PIAS1: variants seen among roughly 807,000 people sequenced by gnomAD.
PIAS1 encodes the protein protein inhibitor of activated STAT 1.
A neutral mutation model predicts 71.3 loss-of-function variants in PIAS1; 6 were observed. The ratio of observed to expected loss-of-function variants is 0.08; its 90% CI spans 0.05 to 0.17. The LOEUF is 0.17. Ranked by LOEUF, PIAS1 falls within the 10% of genes least tolerant of loss-of-function variation. The pLI is 1.00. For synonymous variants in PIAS1, 303 were observed against 292.9 expected (o/e 1.03, Z -0.35); for missense variants, 555 against 793.6 (o/e 0.70, Z 3.61).
At position 68,069,695 on chromosome 15, in the gene PIAS1, T is replaced by C. The variant is rs144736776; in HGVS notation, c.24+15345T>C. Among the ~76,000 whole-genome samples, 1,276 of 151,848 alleles carry C rather than the reference T, an allele frequency of 8.4e-3. 92 individuals are homozygous for C. The East Asian group carries it at 0.18, about 21-fold the overall frequency. Reference sequence around the variant, plus strand: ...CGCGGGAGCCTGTAGTCCCAGCTACTTGGGAGGCTGAGGCAGGAGAATGGT... The same window carrying C: ...CGCGGGAGCCTGTAGTCCCAGCTACCTGGGAGGCTGAGGCAGGAGAATGGT... On this transcript the variant is annotated intron_variant, in intron 1 of 13. Coordinates refer to ENST00000249636, the MANE Select transcript of PIAS1 (RefSeq NM_016166.3).
At chr15:68,095,012 G>C (rs1284801398) in intron 2 of PIAS1, among the ~76,000 whole-genome samples, 4 of 152,170 alleles carry the variant, frequency 2.6e-5, no homozygotes, top group Non-Finnish European at 2.9e-5. Context: ...CTGTGTACTT[G>C]AGTGTGATCT....
At chr15:68,099,922 A>G (rs1021152670) in intron 2 of PIAS1, among the ~76,000 whole-genome samples, 2 of 152,072 alleles carry the variant, frequency 1.3e-5, no homozygotes, top group Non-Finnish European at 2.9e-5. Flanking sequence ...CCATCTGTCG[A>G]CATACTTATA....
intron 2 of PIAS1, among the ~76,000 whole-genome samples, chr15:68,091,099 G>A (rs1419204450): frequency 6.6e-6 from 1 of 151,992 alleles, no homozygotes; most frequent in Non-Finnish European, 1.5e-5. Flanking sequence ...GTGTTAAGGG[G>A]TACTTTGTTT....
chr15:68,172,743 C>G (rs996742673), intron 8 of PIAS1, among the ~76,000 whole-genome samples: 1 of 152,216 alleles, frequency 6.6e-6, no homozygotes, highest in Non-Finnish European at 1.5e-5. Flanking sequence ...TGTGGTACCT[C>G]CCTGTGCAGG....
In PIAS1 at chr15:68,072,399, CAAAAAAAAAAAAA is replaced by C. The variant is rs1166484451; in HGVS notation, c.25-13890_25-13878del. Among the ~76,000 whole-genome samples, 247 of 25,024 alleles carry C rather than the reference CAAAAAAAAAAAAA, an allele frequency of 9.9e-3. 3 individuals carry two copies. In the East Asian group the frequency reaches 0.11, roughly 11 times the overall value. 16.4% of individuals were successfully genotyped at this position (25,024 alleles called of 152,430 possible). Reference sequence around the variant, plus strand: ...TGGGTGACAGAGCGAGACTCCATCTCAAAAAAAAAAAAAAAAAAAAAAAAAAAAAGAGTTATGG... The same window carrying C: ...TGGGTGACAGAGCGAGACTCCATCTCAAAAAAAAAAAAAAAAGAGTTATGG... On this transcript the variant is annotated intron_variant, in intron 1 of 13. Coordinates refer to ENST00000249636, the MANE Select transcript of PIAS1 (RefSeq NM_016166.3).
chr15:68,104,170 C>G (rs961519448), intron 2 of PIAS1, among the ~76,000 whole-genome samples: 2 of 152,116 alleles, frequency 1.3e-5, no homozygotes, highest in African/African-American at 4.8e-5. Flanking sequence ...GTAGATTTCT[C>G]TCTTACAAAT....
intron 6 of PIAS1, among the ~76,000 whole-genome samples, chr15:68,152,882 T>C (rs548111314): frequency 6.6e-6 from 1 of 151,724 alleles, no homozygotes; most frequent in Non-Finnish European, 1.5e-5. Context: ...AACTGTTTTT[T>C]TTTGGTTTTG....
intron 2 of PIAS1, among the ~76,000 whole-genome samples, chr15:68,097,513 A>G (rs1044323252): frequency 2.6e-5 from 4 of 152,032 alleles, no homozygotes; most frequent in South Asian, 2.1e-4. Flanking sequence ...GTTCACTGCA[A>G]CCTCTGCCTC....
chr15:68,075,824 C>T (rs2092157493), intron 1 of PIAS1, among the ~76,000 whole-genome samples: 1 of 148,232 alleles, frequency 6.7e-6, no homozygotes, highest in Non-Finnish European at 1.5e-5. Flanking sequence ...CTCTGCTGCG[C>T]AGGCTGGAGT....
At chr15:68,069,757 T>C (rs1332503658) in intron 1 of PIAS1, among the ~76,000 whole-genome samples, 1 of 149,864 alleles carries the variant, frequency 6.7e-6, no homozygotes, top group African/African-American at 2.5e-5. Context: ...TGAGCCGACA[T>C]TGTGCCACTG....
chr15:68,192,975 TCTAG>T lies in PIAS1; in HGVS notation c.*5143_*5146del, dbSNP rs2093127158. The stretch of plus-strand genomic sequence containing the variant: ...CTCTGGCAGCACCAACCTGGCACCT[TCTAG>T]CTGTGTAACTCACTCAAAGCCACTC... On this transcript the variant is annotated 3_prime_UTR_variant, in exon 14 of 14. Coordinates refer to ENST00000249636, the MANE Select transcript of PIAS1 (RefSeq NM_016166.3). 1 of 152,304 alleles carries T rather than the reference TCTAG, an allele frequency of 6.6e-6. No homozygotes were observed. Among genetic ancestry groups the T allele is most frequent in the African/African-American group, 2.4e-5 (1 of 41,440 alleles). 9.4% of individuals were successfully genotyped at this position (152,304 alleles called of 1,614,324 possible). A position where few individuals can be genotyped will look rare whatever the true frequency, so the allele number is the denominator to read the frequency against.
chr15:68,060,017 G>A (rs1317541404), intron 1 of PIAS1, among the ~76,000 whole-genome samples: 1 of 152,156 alleles, frequency 6.6e-6, no homozygotes, highest in African/African-American at 2.4e-5. Context: ...TGTAATATGT[G>A]AGATAAGATT....
chr15:68,065,023 G>C (rs142926652), intron 1 of PIAS1, among the ~76,000 whole-genome samples: 1 of 152,056 alleles, frequency 6.6e-6, no homozygotes, highest in African/African-American at 2.4e-5. Flanking sequence ...GGATTACGGC[G>C]TGAGACACCA....
chr15:68,188,040 T>C lies in PIAS1; in HGVS notation c.*205T>C. The C allele has an allele frequency of 2.6e-6, 1 of 382,246 alleles. No homozygotes were observed. Among genetic ancestry groups the C allele is most frequent in the Non-Finnish European group, 4.6e-6 (1 of 215,470 alleles). 23.7% of individuals were successfully genotyped at this position (382,246 alleles called of 1,614,324 possible). Reference sequence around the variant, plus strand: ...TTACTTTTGTATATAAATCTAAGACTGCCTGTGTGATAAAACACTTGTTTA... The same window carrying C: ...TTACTTTTGTATATAAATCTAAGACCGCCTGTGTGATAAAACACTTGTTTA... On this transcript the variant is annotated 3_prime_UTR_variant, in exon 14 of 14. Transcript: ENST00000249636.
chr15:68,175,488 G>T, intron 9 of PIAS1, 149 bp from the exon 10 acceptor site: 1 of 327,032 alleles, frequency 3.1e-6, no homozygotes, highest in Non-Finnish European at 5.5e-6. Context: ...ATTTTTCATG[G>T]TCACATGATA....
intron 11 of PIAS1, among the ~76,000 whole-genome samples, chr15:68,177,354 A>G (rs1353607965): frequency 6.6e-6 from 1 of 151,878 alleles, no homozygotes; most frequent in Non-Finnish European, 1.5e-5. Flanking sequence ...TCCTGCTCAC[A>G]GGATGTAGAA....
At chr15:68,123,282 C>T (rs2092626056) in intron 2 of PIAS1, among the ~76,000 whole-genome samples, 1 of 151,986 alleles carries the variant, frequency 6.6e-6, no homozygotes, top group Non-Finnish European at 1.5e-5. Flanking sequence ...AAACTCCTGG[C>T]GTCAAGCAGT....
In PIAS1 at chr15:68,187,981, GAA is replaced by G. The variant is rs1472110549; in HGVS notation, c.*148_*149del. 3.3e-5 allele frequency: 21 copies of G among 645,318 alleles called. No individual in the cohort carries two copies. The highest frequency in any genetic ancestry group is 1.5e-4 in the Admixed American group (5 of 33,348). 40.0% of individuals were successfully genotyped at this position (645,318 alleles called of 1,614,324 possible). The stretch of plus-strand genomic sequence containing the variant: ...CCTTTTTTTAGGGAAAAAATTAAAA[GAA>G]ATGTACAGAGAACAAAACTATATTT... On this transcript the variant is annotated 3_prime_UTR_variant, in exon 14 of 14. Coordinates refer to ENST00000249636, the MANE Select transcript of PIAS1 (RefSeq NM_016166.3). This position sits in a 1 kb window ranked among gnomAD's most constrained non-coding sequence, Gnocchi z 5.3.
intron 2 of PIAS1, among the ~76,000 whole-genome samples, chr15:68,098,361 T>G (rs1273796707): frequency 6.6e-6 from 1 of 152,180 alleles, no homozygotes; most frequent in Non-Finnish European, 1.5e-5. Flanking sequence ...AGTGGATCAT[T>G]ATAAAGGTTT....
Sources: gnomAD v4.1 joint callset for allele counts (sites outside exome capture counted in the v4.1 genomes callset) on GRCh38, gnomAD v4.1.1 for gene constraint, Gnocchi (gnomAD v3.1) non-coding constraint, MANE v1.5 for transcripts, NCBI Gene and HGNC (gene_info 2026-07-23, HGNC 2026-07-21) for gene names.